SEMA3E: variants seen among roughly 807,000 people sequenced by gnomAD.
SEMA3E encodes the protein semaphorin 3E.
Under a neutral mutation model 93.6 loss-of-function variants are expected in SEMA3E, and 49 were observed. That is an observed-to-expected ratio of 0.52 (90% confidence interval 0.42 to 0.66). SEMA3E has a LOEUF of 0.66. Among genes scored for constraint, SEMA3E ranks in the 30% least tolerant of loss-of-function variants. The pLI, the probability that SEMA3E is intolerant of heterozygous loss-of-function variation, is 0.00. For synonymous variants in SEMA3E, 363 were observed against 330.7 expected (o/e 1.10, Z -1.06); for missense variants, 906 against 964.8 (o/e 0.94, Z 0.81).
At chr7:83,532,482 G>T (rs1791321455) in intron 1 of SEMA3E, among the ~76,000 whole-genome samples, 1 of 152,148 alleles carries the variant, frequency 6.6e-6, no homozygotes, top group South Asian at 2.1e-4. Context: ...AAGAATTAAT[G>T]AATAAATGTG....
chr7:83,368,215 G>C (rs951725703), intron 16 of SEMA3E, among the ~76,000 whole-genome samples, 177 bp from the exon 17 acceptor site: 9 of 151,052 alleles, frequency 6.0e-5, no homozygotes, highest in African/African-American at 1.5e-4. Context: ...CTCTCTGTGT[G>C]TGTGTGTGTG....
At chr7:83,402,809 G>T (rs910086112) in intron 9 of SEMA3E, 33 bp from the exon 10 acceptor site, 1 of 1,593,100 alleles carries the variant, frequency 6.3e-7, no homozygotes, top group South Asian at 1.1e-5. Flanking sequence ...TTATTCTTCT[G>T]GAACTAACTG....
At chr7:83,448,416 G>A (rs367758866) in intron 4 of SEMA3E, among the ~76,000 whole-genome samples, 19 of 152,194 alleles carry the variant, frequency 1.2e-4, no homozygotes, top group Admixed American at 8.5e-4. Context: ...GGAGGCTGAA[G>A]TGGGAGGATC....
Position 83,364,673 on chromosome 7 carries a change from T to A in SEMA3E, c.*2913A>T, listed in dbSNP as rs115653697. The A allele has an allele frequency of 6.6e-5, 10 of 152,344 alleles. No homozygotes were observed. Among genetic ancestry groups the A allele is most frequent in the African/African-American group, 1.2e-4 (5 of 41,584 alleles). The allele number at this position is 152,344 out of a possible 1,614,324, so 9.4% of individuals were successfully genotyped here. On this transcript the variant is annotated 3_prime_UTR_variant, in exon 17 of 17. Transcript: ENST00000643230. The stretch of plus-strand genomic sequence containing the variant: ...GAGGAGGTGAATGGGCATTGTTTTA[T>A]GTCAAAACTAAGTCTATCCACAGGT...
At chr7:83,599,482 G>C (rs1028973716) in intron 1 of SEMA3E, among the ~76,000 whole-genome samples, 2 of 152,082 alleles carry the variant, frequency 1.3e-5, no homozygotes, top group African/African-American at 4.8e-5. Context: ...CTCCAAAGTT[G>C]ACTTGTAGCC....
At chr7:83,556,999 A>G (rs1272386857) in intron 1 of SEMA3E, among the ~76,000 whole-genome samples, 1 of 152,202 alleles carries the variant, frequency 6.6e-6, no homozygotes, top group Non-Finnish European at 1.5e-5. Flanking sequence ...TTTGACTTCC[A>G]GCCTCCAGAA....
Position 83,367,513 on chromosome 7 carries a change from G to T in SEMA3E, c.*73C>A. 3 of 1,449,492 alleles carry T rather than the reference G, an allele frequency of 2.1e-6. No homozygotes were observed. Among genetic ancestry groups the T allele is most frequent in the Non-Finnish European group, 1.9e-6 (2 of 1,032,712 alleles). 89.8% of individuals were successfully genotyped at this position (1,449,492 alleles called of 1,614,324 possible). On this transcript the variant is annotated 3_prime_UTR_variant, in exon 17 of 17. Coordinates refer to ENST00000643230, the MANE Select transcript of SEMA3E (RefSeq NM_012431.3). ...CTCTTTTAAGTAATGCAAAGAAGTT[G>T]GATGATTTATTTTTTTACTTTTTTA...
chr7:83,392,093 G>T (rs996951830), intron 14 of SEMA3E, among the ~76,000 whole-genome samples: 7 of 152,084 alleles, frequency 4.6e-5, no homozygotes, highest in Admixed American at 4.6e-4. Context: ...TTGGAGTTTG[G>T]AGGTCTTTAA....
chr7:83,441,051 C>T (rs771663993), intron 4 of SEMA3E, among the ~76,000 whole-genome samples: 1 of 152,020 alleles, frequency 6.6e-6, no homozygotes, highest in African/African-American at 2.4e-5. Flanking sequence ...ATTAATTTGA[C>T]AGCAGAGACA....
intron 1 of SEMA3E, among the ~76,000 whole-genome samples, chr7:83,511,036 A>G (rs1297531381): frequency 6.6e-6 from 1 of 152,150 alleles, no homozygotes; most frequent in Non-Finnish European, 1.5e-5. Flanking sequence ...GACTAAACTT[A>G]AAAAAATAAG....
At chr7:83,596,128 AT>A (rs1792867726) in intron 1 of SEMA3E, among the ~76,000 whole-genome samples, 1 of 151,972 alleles carries the variant, frequency 6.6e-6, no homozygotes, top group Non-Finnish European at 1.5e-5. Flanking sequence ...TGACTCAGAT[AT>A]TTATATTATT....
At position 83,635,795 on chromosome 7, in the gene SEMA3E, T is replaced by C. The variant is rs192706630; in HGVS notation, c.115+12633A>G. Among the ~76,000 whole-genome samples the C allele has an allele frequency of 1.3e-4, 19 of 151,746 alleles. No homozygotes were observed. In the East Asian group the frequency reaches 3.5e-3, roughly 28 times the overall value. ...CCATTGCTTTTCCTTCTCACTATGTTACTACCAATAGCTGTGCTTTTAAAA... is the reference window on the plus strand; with the variant it reads ...CCATTGCTTTTCCTTCTCACTATGTCACTACCAATAGCTGTGCTTTTAAAA... On this transcript the variant is annotated intron_variant, in intron 1 of 16. Coordinates refer to ENST00000643230, the MANE Select transcript of SEMA3E (RefSeq NM_012431.3).
intron 1 of SEMA3E, among the ~76,000 whole-genome samples, chr7:83,556,520 G>C (rs1562831356): frequency 6.6e-6 from 1 of 152,138 alleles, no homozygotes; most frequent in Non-Finnish European, 1.5e-5. Flanking sequence ...TAGACATTGA[G>C]GGGCCAGGGA....
At chr7:83,441,541 G>A (rs573132786) in intron 4 of SEMA3E, among the ~76,000 whole-genome samples, 43 of 152,252 alleles carry the variant, frequency 2.8e-4, no homozygotes, top group Non-Finnish European at 5.3e-4. Flanking sequence ...TGGGTCTGCC[G>A]TTGATATGAC....
intron 3 of SEMA3E, among the ~76,000 whole-genome samples, chr7:83,468,144 G>T (rs1157393581): frequency 6.6e-6 from 1 of 152,132 alleles, no homozygotes; most frequent in African/African-American, 2.4e-5. Context: ...GGAGGAAAAG[G>T]CCAGTGGAAT....
At chr7:83,396,502 A>G (rs1584218635) in intron 12 of SEMA3E, 136 bp downstream of exon 12, 2 of 605,586 alleles carry the variant, frequency 3.3e-6, no homozygotes, top group East Asian at 2.9e-5. Context: ...AATTTGAAAT[A>G]ATTCTTCACT....
chr7:83,599,514 T>A (rs1183985358), intron 1 of SEMA3E, among the ~76,000 whole-genome samples: 1 of 152,188 alleles, frequency 6.6e-6, no homozygotes, highest in Non-Finnish European at 1.5e-5. Context: ...TCATAGCTGG[T>A]TTTTAATAAC....
At chr7:83,482,426 T>C (rs1035892246) in intron 2 of SEMA3E, among the ~76,000 whole-genome samples, 4 of 150,726 alleles carry the variant, frequency 2.7e-5, no homozygotes, top group Non-Finnish European at 5.9e-5. Flanking sequence ...ATTAGCCGGG[T>C]GTGGTGGCGG....
At chr7:83,590,485 C>T (rs1401665296) in intron 1 of SEMA3E, among the ~76,000 whole-genome samples, 1 of 152,142 alleles carries the variant, frequency 6.6e-6, no homozygotes, top group Admixed American at 6.5e-5. Context: ...TGTTCACGCT[C>T]ACCATTGTTA....
Sources: gnomAD v4.1 joint callset for allele counts (sites outside exome capture counted in the v4.1 genomes callset) on GRCh38, gnomAD v4.1.1 for gene constraint, MANE v1.5 for transcripts, NCBI Gene and HGNC (gene_info 2026-07-23, HGNC 2026-07-21) for gene names.